The following BMPR1B variants were observed in gnomAD, a reference collection of about 807,000 sequenced individuals.
The protein encoded by BMPR1B is bone morphogenetic protein receptor type-1B.
In BMPR1B, 12 loss-of-function variants were observed where a neutral mutation model predicts 59.1. The observed-to-expected ratio is 0.20, with a 90% CI of 0.13 to 0.33. BMPR1B has a LOEUF of 0.33. BMPR1B is among the 10% of genes least tolerant of loss of function. BMPR1B has a pLI of 1.00. For missense variants in BMPR1B, 550 were observed against 610.9 expected (o/e 0.90, Z 1.05); for synonymous variants, 237 against 207.3 (o/e 1.14, Z -1.23).
chr4:94,981,509 A>T (rs1721084376), intron 2 of BMPR1B, among the ~76,000 whole-genome samples: 1 of 152,180 alleles, frequency 6.6e-6, no homozygotes, highest in Admixed American at 6.5e-5. Flanking sequence ...ATGATAGTTA[A>T]ATCAGTTTTT....
At chr4:95,130,079 G>A (rs1438018073) in intron 9 of BMPR1B, 25 bp downstream of exon 9, 28 of 1,608,276 alleles carry the variant, frequency 1.7e-5, no homozygotes, top group Non-Finnish European at 2.2e-5. Flanking sequence ...GCATAGCTAT[G>A]TTCAGGGTTT....
intron 3 of BMPR1B, among the ~76,000 whole-genome samples, chr4:95,096,126 CTGAT>C (rs944286877): frequency 2.0e-5 from 3 of 150,498 alleles, no homozygotes; most frequent in African/African-American, 4.9e-5. Context: ...AAATAAGGAA[CTGAT>C]TAAGTTATAT....
intron 3 of BMPR1B, among the ~76,000 whole-genome samples, chr4:95,039,624 A>G (rs1437312754): frequency 6.6e-6 from 1 of 152,176 alleles, no homozygotes; most frequent in East Asian, 1.9e-4. Context: ...AAGATACGGA[A>G]ATATGTGTGT....
chr4:95,071,126 G>A (rs1413734856), intron 3 of BMPR1B, among the ~76,000 whole-genome samples: 1 of 152,036 alleles, frequency 6.6e-6, no homozygotes, highest in South Asian at 2.1e-4. Flanking sequence ...TCACCAACAC[G>A]TTTTTCATGT....
At chr4:94,782,000 T>A (rs1218140767) in intron 1 of BMPR1B, among the ~76,000 whole-genome samples, 2 of 147,972 alleles carry the variant, frequency 1.4e-5, no homozygotes, top group African/African-American at 5.0e-5. Flanking sequence ...TGCTTGGAAT[T>A]TGTGGAGCTT....
chr4:95,099,850 A>C (rs116231801), intron 3 of BMPR1B, among the ~76,000 whole-genome samples: 72 of 152,246 alleles, frequency 4.7e-4, no homozygotes, highest in Non-Finnish European at 8.2e-4. Flanking sequence ...ATGAGGATTT[A>C]GTTATTTTTT....
chr4:95,124,797 A>G (rs1300425315), intron 7 of BMPR1B, among the ~76,000 whole-genome samples, 186 bp from the exon 8 acceptor site: 2 of 152,204 alleles, frequency 1.3e-5, no homozygotes, highest in Non-Finnish European at 2.9e-5. Flanking sequence ...ATTTTAAAAA[A>G]TAGGTTAGCC....
intron 1 of BMPR1B, among the ~76,000 whole-genome samples, chr4:94,860,149 T>A (rs1725922425): frequency 6.6e-6 from 1 of 152,208 alleles, no homozygotes. Context: ...TGTGAGGGAT[T>A]GTAAGTTGAA....
chr4:94,862,371 G>A (rs566626428), intron 1 of BMPR1B, among the ~76,000 whole-genome samples: 2 of 151,432 alleles, frequency 1.3e-5, no homozygotes, highest in South Asian at 2.1e-4. Context: ...GGCTAGTCTC[G>A]AACTCCTGAC....
chr4:95,062,608 A>T (rs1005953940), intron 3 of BMPR1B, among the ~76,000 whole-genome samples: 1 of 152,186 alleles, frequency 6.6e-6, no homozygotes, highest in Non-Finnish European at 1.5e-5. Context: ...GACTGCAAAT[A>T]AGAAACGTGA....
chr4:94,945,159 ACT>A lies in BMPR1B; in HGVS notation c.-112-50880_-112-50879del, dbSNP rs542129403. Among the ~76,000 whole-genome samples, 369 of 152,328 alleles carry A rather than the reference ACT, an allele frequency of 2.4e-3. 4 individuals carry two copies. Among genetic ancestry groups the A allele is most frequent in the African/African-American group, 8.4e-3 (349 of 41,578 alleles). ...TTTTCTTTACCTCTTGCTCAGTATA[ACT>A]TCACAGAATTAATATAGAATTGCAG... On this transcript the variant is annotated intron_variant, in intron 2 of 12. Transcript: ENST00000515059.
intron 1 of BMPR1B, among the ~76,000 whole-genome samples, chr4:94,834,514 T>C (rs1302772920): frequency 6.6e-6 from 1 of 151,636 alleles, no homozygotes; most frequent in Non-Finnish European, 1.5e-5. Flanking sequence ...ATTTTTTTTT[T>C]CCTTCCAAAC....
intron 3 of BMPR1B, among the ~76,000 whole-genome samples, chr4:95,005,476 T>C (rs924550420): frequency 6.6e-6 from 1 of 152,140 alleles, no homozygotes; most frequent in Non-Finnish European, 1.5e-5. Context: ...ACAAACAGGC[T>C]GACGTACTAT....
At chr4:95,108,112 T>TA (rs1487826480) in intron 4 of BMPR1B, among the ~76,000 whole-genome samples, 1 of 152,108 alleles carries the variant, frequency 6.6e-6, no homozygotes, top group South Asian at 2.1e-4. Context: ...TTAAAATACT[T>TA]ACAAAATACA....
At chr4:94,896,667 A>G (rs1171389832) in intron 2 of BMPR1B, among the ~76,000 whole-genome samples, 4 of 151,980 alleles carry the variant, frequency 2.6e-5, no homozygotes, top group Admixed American at 2.6e-4. Context: ...CTTTTTTTGC[A>G]TGTTTTTAGG....
Position 95,152,786 on chromosome 4 carries a change from G to A in BMPR1B, c.1383+13G>A. On this transcript the variant is annotated intron_variant, in intron 12 of 12. Transcript: ENST00000515059. ...GAGCAGTGATGAGGTAAGGCTTGAGGTAACCATGTGGCTGTGACAGACTTC... is the reference window on the plus strand; with the variant it reads ...GAGCAGTGATGAGGTAAGGCTTGAGATAACCATGTGGCTGTGACAGACTTC... The A allele has an allele frequency of 1.2e-6, 2 of 1,611,782 alleles. No homozygotes were observed. The highest frequency in any genetic ancestry group is 1.7e-6 in the Non-Finnish European group (2 of 1,178,984).
At chr4:95,072,655 A>T (rs1728398608) in intron 3 of BMPR1B, among the ~76,000 whole-genome samples, 1 of 152,172 alleles carries the variant, frequency 6.6e-6, no homozygotes, top group South Asian at 2.1e-4. Context: ...TCTTACTCTG[A>T]ACTTTAAATT....
chr4:94,819,212 C>T (rs1724118024), intron 1 of BMPR1B, among the ~76,000 whole-genome samples: 1 of 152,030 alleles, frequency 6.6e-6, no homozygotes, highest in African/African-American at 2.4e-5. Context: ...AGAACTTTCT[C>T]AGTCCTCTCA....
intron 10 of BMPR1B, among the ~76,000 whole-genome samples, chr4:95,132,404 CTGAT>C (rs1425633800): frequency 1.3e-5 from 2 of 152,058 alleles, no homozygotes; most frequent in East Asian, 1.9e-4. Context: ...CAAAAAAAGA[CTGAT>C]TGATTGGTAT....
Sources: gnomAD v4.1 joint callset for allele counts (sites outside exome capture counted in the v4.1 genomes callset) on GRCh38, gnomAD v4.1.1 for gene constraint, MANE v1.5 for transcripts, NCBI Gene and HGNC (gene_info 2026-07-23, HGNC 2026-07-21) for gene names.